The following ARHGEF18 variants were observed in gnomAD, a reference collection of about 807,000 sequenced individuals.
ARHGEF18 encodes the protein rho guanine nucleotide exchange factor 18.
A neutral mutation model predicts 155.7 loss-of-function variants in ARHGEF18; 93 were observed. The ratio of observed to expected loss-of-function variants is 0.60; its 90% confidence interval spans 0.50 to 0.71. The LOEUF (loss-of-function observed/expected upper bound fraction) is 0.71. ARHGEF18 is among the 30% of genes least tolerant of loss of function. The pLI is 0.00. For synonymous variants in ARHGEF18, 742 were observed against 753.1 expected, an observed-to-expected ratio of 0.99 and a Z score of 0.24; for missense variants, 1,593 against 1,816.1, an observed-to-expected ratio of 0.88 and a Z score of 2.23.
At chr19:7,358,129 C>T (rs1244193033) in intron 1 of ARHGEF18, among the ~76,000 whole-genome samples, 1 of 151,770 alleles carries the variant, frequency 6.6e-6, no homozygotes, top group Non-Finnish European at 1.5e-5. Context: ...AGCCAACCAG[C>T]CAATCAGCCA....
Position 7,470,079 on chromosome 19 carries a change from C to T in ARHGEF18, c.3914-47C>T, listed in dbSNP as rs752242524. 9.9e-6 allele frequency: 16 copies of T among 1,610,928 alleles called. No individual in the cohort carries two copies. Among genetic ancestry groups the T allele is most frequent in the East Asian group, 4.5e-5 (2 of 44,824 alleles). On this transcript the variant is annotated intron_variant, in intron 28 of 28. Transcript: ENST00000668164. This position sits in a 1 kb window ranked among gnomAD's most constrained non-coding sequence, Gnocchi z 5.9. ...GCCCAGTCCCAGGGCAGCGGGGCTG[C>T]GGCACCACCCGGCGACTGCTCAGTC...
At chr19:7,437,787 G>T (rs1225338614) in intron 10 of ARHGEF18, among the ~76,000 whole-genome samples, 1 of 151,358 alleles carries the variant, frequency 6.6e-6, no homozygotes, top group East Asian at 2.0e-4. Flanking sequence ...GGGATTACAG[G>T]TGCCCGCCAC....
rs748447200 is a variant in ARHGEF18 at position 7,453,539 on chromosome 19, C to T, written c.1928C>T (p.Ala643Val). The T allele has an allele frequency of 1.2e-6, 2 of 1,614,066 alleles. No individual in the cohort carries two copies. Among genetic ancestry groups the T allele is most frequent in the South Asian group, 1.1e-5 (1 of 91,060 alleles). The change falls in exon 17 of 29, where the codon GCC becomes GTC. Residue 643 changes from alanine (A) to valine (V), a missense_variant. Ala to Val is a moderately conservative substitution (Grantham distance 64, BLOSUM62 0). Coordinates refer to ENST00000668164, the MANE Select transcript of ARHGEF18 (RefSeq NM_001367823.1). ...AAAGATATCATCTCACAAGTGGACG[C>T]CAAGGTCAGTGAGTGTGAGAAGGGC... ...LIKDIISQVD[A>V]KVSECEKGQR...
At chr19:7,376,155 T>G (rs1970451926) in intron 4 of ARHGEF18, among the ~76,000 whole-genome samples, 1 of 152,140 alleles carries the variant, frequency 6.6e-6, no homozygotes, top group Non-Finnish European at 1.5e-5. Flanking sequence ...TGTCTTATCT[T>G]GCAGTTTCAG....
chr19:7,450,127 A>G (rs775583392), intron 15 of ARHGEF18, among the ~76,000 whole-genome samples: 11 of 144,680 alleles, frequency 7.6e-5, no homozygotes, highest in Non-Finnish European at 1.5e-4. Context: ...ATTGGGCAGA[A>G]ACCGAGATGT....
intron 16 of ARHGEF18, among the ~76,000 whole-genome samples, chr19:7,453,209 C>T (rs543165925): frequency 6.6e-6 from 1 of 151,928 alleles, no homozygotes; most frequent in African/African-American, 2.4e-5. Flanking sequence ...CTACCCTCCC[C>T]CCCCCAAAAA....
chr19:7,427,667 C>T (rs1474748210), intron 10 of ARHGEF18, among the ~76,000 whole-genome samples: 14 of 150,448 alleles, frequency 9.3e-5, no homozygotes, highest in Admixed American at 8.0e-4. Context: ...AAAAGAAGGC[C>T]GGGCGCAGTG....
chr19:7,445,866 G>T (rs933112045), intron 14 of ARHGEF18, among the ~76,000 whole-genome samples: 4 of 151,878 alleles, frequency 2.6e-5, no homozygotes, highest in Non-Finnish European at 5.9e-5. Context: ...CAGGTGATCC[G>T]CCTGCCTCAG....
intron 26 of ARHGEF18, 66 bp from the exon 27 acceptor site, chr19:7,468,759 C>T (rs1160643635): frequency 8.9e-6 from 13 of 1,458,984 alleles, no homozygotes; most frequent in Middle Eastern, 2.3e-4. Flanking sequence ...GCACGACCCT[C>T]GGGGGCTCTC....
chr19:7,351,525 G>T (rs557906087), intron 1 of ARHGEF18, among the ~76,000 whole-genome samples: 1 of 151,138 alleles, frequency 6.6e-6, no homozygotes, highest in South Asian at 2.1e-4. Context: ...GGGTTTCACC[G>T]TGTTAGCCAG....
chr19:7,442,203 T>C, intron 13 of ARHGEF18, 151 bp downstream of exon 13: 2 of 1,170,936 alleles, frequency 1.7e-6, no homozygotes, highest in South Asian at 3.1e-5. Context: ...CTCTCTTTCC[T>C]TCTCTCTTTT....
intron 3 of ARHGEF18, among the ~76,000 whole-genome samples, chr19:7,375,362 GAAGGAAGGAAGGAAGAAAGAA>G (rs1392494978): frequency 1.2e-4 from 15 of 125,910 alleles, no homozygotes; most frequent in African/African-American, 4.9e-4. Flanking sequence ...GAAAAGGAAG[GAAGGAAGGAAGGAAGAAAGAA>G]AAGGAAGGAA....
At chr19:7,411,198 T>G (rs1450240464) in intron 10 of ARHGEF18, among the ~76,000 whole-genome samples, 2 of 152,106 alleles carry the variant, frequency 1.3e-5, no homozygotes, top group African/African-American at 4.8e-5. Flanking sequence ...AAAATGAAGT[T>G]GCACACCAAG....
At chr19:7,366,552 T>C (rs10405669) in intron 2 of ARHGEF18, among the ~76,000 whole-genome samples, 17,139 of 152,196 alleles carry the variant, frequency 0.11, 2,653 homozygotes, top group African/African-American at 0.35. Flanking sequence ...CCCTGATACT[T>C]TTTGGAGAGC....
intron 3 of ARHGEF18, 71 bp downstream of exon 3, chr19:7,373,142 G>A: frequency 2.4e-6 from 3 of 1,232,678 alleles, no homozygotes; most frequent in Non-Finnish European, 3.0e-6. Flanking sequence ...GAAGGCCAGA[G>A]CCAGGTCCTA....
rs759665708 is a variant in ARHGEF18 at position 7,458,707 on chromosome 19, G to A, written c.2360+17G>A. Reference sequence around the variant, plus strand: ...TGTGGAGAGGTGAGGAGGGCCTGGGGGTCTCCCCACCCACTGTGTTCCTTC... The same window carrying A: ...TGTGGAGAGGTGAGGAGGGCCTGGGAGTCTCCCCACCCACTGTGTTCCTTC... On this transcript the variant is annotated intron_variant, in intron 19 of 28. Coordinates refer to ENST00000668164, the MANE Select transcript of ARHGEF18 (RefSeq NM_001367823.1). 14 of 1,600,062 alleles carry A rather than the reference G, an allele frequency of 8.7e-6. No homozygotes were observed. The highest frequency in any genetic ancestry group is 1.1e-5 in the Non-Finnish European group (13 of 1,170,706).
chr19:7,363,916 A>C (rs1009894123), intron 2 of ARHGEF18, among the ~76,000 whole-genome samples: 2 of 151,156 alleles, frequency 1.3e-5, no homozygotes, highest in African/African-American at 4.9e-5. Flanking sequence ...GGAAGGAAGG[A>C]GGATGGATAA....
downstream of ARHGEF18, chr19:7,477,382 C>A (rs1419092192): frequency 3.2e-6 from 5 of 1,550,380 alleles, no homozygotes; most frequent in South Asian, 1.2e-5. Context: ...GAAGTGACAG[C>A]GCCTCCGACT....
chr19:7,423,953 A>G, intron 10 of ARHGEF18, among the ~76,000 whole-genome samples: 1 of 152,104 alleles, frequency 6.6e-6, no homozygotes, highest in East Asian at 1.9e-4. Context: ...GCCATGTGAA[A>G]ACTGACACAC....
Sources: allele counts gnomAD v4.1 joint callset (sites outside exome capture counted in the v4.1 genomes callset), GRCh38; gene constraint gnomAD v4.1.1; non-coding constraint Gnocchi (gnomAD v3.1); transcripts MANE v1.5; gene names NCBI Gene and HGNC (gene_info 2026-07-23, HGNC 2026-07-21).